The following CBFB variants were observed in gnomAD, a reference collection of about 807,000 sequenced individuals.
CBFB encodes CBF-beta.
CBFB carries 9 observed loss-of-function variants against 30.4 expected under a neutral mutation model. That is an observed-to-expected ratio of 0.30 (90% CI 0.18 to 0.52). The LOEUF is 0.52. CBFB is among the 20% of genes least tolerant of loss of function. The pLI, the probability that CBFB is intolerant of heterozygous loss-of-function variation, is 0.97. For synonymous variants in CBFB, 94 were observed against 84.0 expected, an observed-to-expected ratio of 1.12 and a Z score of -0.65; for missense variants, 170 against 244.0, an observed-to-expected ratio of 0.70 and a Z score of 2.02.
intron 3 of CBFB, among the ~76,000 whole-genome samples, chr16:67,043,958 T>G (rs1966578741): frequency 6.6e-6 from 1 of 152,200 alleles, no homozygotes. Flanking sequence ...TCTTAATTCT[T>G]TAATCTAGCT....
intron 5 of CBFB, among the ~76,000 whole-genome samples, chr16:67,096,080 T>C (rs896007913): frequency 8.0e-5 from 12 of 149,734 alleles, no homozygotes; most frequent in African/African-American, 2.7e-4. Context: ...GAAGCTGAGG[T>C]GGGTGGATCA....
chr16:67,082,565 CTTAA>C (rs1243444876), intron 5 of CBFB, among the ~76,000 whole-genome samples: 6 of 152,104 alleles, frequency 3.9e-5, no homozygotes, highest in African/African-American at 9.7e-5. Context: ...TATATTTTCT[CTTAA>C]TTCATTTACT....
chr16:67,050,163 A>G (rs1966712650), intron 3 of CBFB, among the ~76,000 whole-genome samples: 1 of 148,216 alleles, frequency 6.7e-6, no homozygotes. Context: ...TATCATAAAT[A>G]TATCATATAT....
chr16:67,037,007 TCCTGCCTCAG>T (rs1966451038), intron 3 of CBFB, among the ~76,000 whole-genome samples: 1 of 152,112 alleles, frequency 6.6e-6, no homozygotes, highest in Non-Finnish European at 1.5e-5. Flanking sequence ...CAAGCGATTC[TCCTGCCTCAG>T]CCTCCTGAGT....
intron 3 of CBFB, among the ~76,000 whole-genome samples, chr16:67,049,765 A>G (rs551533801): frequency 3.1e-4 from 47 of 152,250 alleles, no homozygotes; most frequent in African/African-American, 1.1e-3. Context: ...ACCATTTTAA[A>G]TGCTTTTTGA....
chr16:67,078,766 C>CA (rs1296886254), intron 4 of CBFB, among the ~76,000 whole-genome samples: 1 of 152,186 alleles, frequency 6.6e-6, no homozygotes, highest in Non-Finnish European at 1.5e-5. Flanking sequence ...TCTTCTGCCT[C>CA]AGCCTCCCGA....
At chr16:67,098,631 A>G in intron 5 of CBFB, 79 bp from the exon 6 acceptor site, 1 of 800,922 alleles carries the variant, frequency 1.2e-6, no homozygotes, top group African/African-American at 1.7e-5. Context: ...TCTGTGTGCT[A>G]CTGTCTTGTA....
intron 3 of CBFB, among the ~76,000 whole-genome samples, chr16:67,061,629 T>C (rs959940072): frequency 3.3e-5 from 5 of 152,232 alleles, no homozygotes; most frequent in Non-Finnish European, 2.9e-5. Context: ...TTTGAAGATG[T>C]ACACATAAAA....
At chr16:67,078,369 G>A (rs923205502) in intron 4 of CBFB, among the ~76,000 whole-genome samples, 2 of 151,998 alleles carry the variant, frequency 1.3e-5, no homozygotes, top group Admixed American at 1.3e-4. Flanking sequence ...GCAACACAGC[G>A]AGACCTCATC....
chr16:67,033,229 T>C (rs1436912730), intron 2 of CBFB, among the ~76,000 whole-genome samples: 2 of 152,250 alleles, frequency 1.3e-5, no homozygotes, highest in Non-Finnish European at 2.9e-5. Flanking sequence ...CATCTCTCTT[T>C]AACTATAAAA....
rs1469468561 is a variant in CBFB, at chr16:67,100,158, A to G, written c.*1380A>G. 2.4e-5 allele frequency: 5 copies of G among 211,002 alleles called. No individual in the cohort carries two copies. The highest frequency in any genetic ancestry group is 5.9e-5 in the Admixed American group (1 of 16,948). 13.1% of individuals were successfully genotyped at this position (211,002 alleles called of 1,614,324 possible). Reference sequence around the variant, plus strand: ...ATGGTCACATTTATTAAATGTTACTACATTTCTGAATTTTTGAAAAATGTA... The same window carrying G: ...ATGGTCACATTTATTAAATGTTACTGCATTTCTGAATTTTTGAAAAATGTA... On this transcript the variant is annotated 3_prime_UTR_variant, in exon 6 of 6. Coordinates refer to ENST00000412916, the MANE Select transcript of CBFB (RefSeq NM_022845.3).
chr16:67,043,500 T>C (rs779710951), intron 3 of CBFB, among the ~76,000 whole-genome samples: 10 of 152,240 alleles, frequency 6.6e-5, no homozygotes, highest in Non-Finnish European at 1.3e-4. Flanking sequence ...CACAGAATTT[T>C]ATAATCCTTC....
intron 3 of CBFB, among the ~76,000 whole-genome samples, chr16:67,043,904 AGT>A (rs1966578235): frequency 1.3e-5 from 2 of 152,194 alleles, no homozygotes; most frequent in Non-Finnish European, 2.9e-5. Flanking sequence ...ATCTTTCCCA[AGT>A]GTTCCATCCT....
chr16:67,032,738 A>G (rs986907233), intron 2 of CBFB, among the ~76,000 whole-genome samples: 2 of 152,308 alleles, frequency 1.3e-5, no homozygotes, highest in East Asian at 3.9e-4. Flanking sequence ...GTTTCTTCCT[A>G]TTTGGCTGTG....
chr16:67,029,520 G>C (rs1342207566), intron 1 of CBFB, 35 bp downstream of exon 1: 1 of 1,563,264 alleles, frequency 6.4e-7, no homozygotes, highest in Non-Finnish European at 8.7e-7. Context: ...GGAGGCCGCA[G>C]CGCGCCCCGA....
At chr16:67,067,004 G>T in intron 4 of CBFB, 1 of 388,680 alleles carries the variant, frequency 2.6e-6, no homozygotes, top group African/African-American at 2.1e-5. Context: ...AATTTCATGG[G>T]TTATTCGTAT....
At chr16:67,050,551 T>G (rs1966723013) in intron 3 of CBFB, among the ~76,000 whole-genome samples, 1 of 152,060 alleles carries the variant, frequency 6.6e-6, no homozygotes, top group Non-Finnish European at 1.5e-5. Context: ...TCTCAATGTT[T>G]TGGGAGACCA....
chr16:67,089,259 T>C (rs886952263), intron 5 of CBFB, among the ~76,000 whole-genome samples: 5 of 152,216 alleles, frequency 3.3e-5, no homozygotes, highest in African/African-American at 7.2e-5. Context: ...CTGTGTATAA[T>C]ATCTTACTCT....
chr16:67,052,827 G>A (rs995544434), intron 3 of CBFB, among the ~76,000 whole-genome samples: 3 of 152,030 alleles, frequency 2.0e-5, no homozygotes, highest in Admixed American at 6.5e-5. Context: ...GCCAGGTGTC[G>A]TGATACAGGC....
Sources: gnomAD v4.1 joint callset for allele counts (sites outside exome capture counted in the v4.1 genomes callset) on GRCh38, gnomAD v4.1.1 for gene constraint, MANE v1.5 for transcripts, NCBI Gene and HGNC (gene_info 2026-07-23, HGNC 2026-07-21) for gene names.